WWOX: variants seen among roughly 807,000 people sequenced by gnomAD.
WWOX encodes the protein WW domain containing oxidoreductase.
WWOX carries 69 observed loss-of-function variants against 46.2 expected under a neutral mutation model. The ratio of observed to expected loss-of-function variants is 1.49; its 90% CI spans 1.23 to 1.82. WWOX has a LOEUF of 1.82. Ranked by LOEUF, WWOX falls within the 40% of genes most tolerant of loss-of-function variation. The pLI is 0.00. For synonymous variants in WWOX, 359 were observed against 202.6 expected (o/e 1.77, Z -6.56); for missense variants, 919 against 542.6 (o/e 1.69, Z -6.89).
At chr16:79,181,248 G>A (rs903348488) in intron 8 of WWOX, among the ~76,000 whole-genome samples, 2 of 152,080 alleles carry the variant, frequency 1.3e-5, no homozygotes, top group Admixed American at 6.5e-5. Flanking sequence ...CAAGACATAC[G>A]GAACACGTAT....
intron 8 of WWOX, among the ~76,000 whole-genome samples, chr16:79,173,138 CAT>C (rs1434698044): frequency 1.3e-5 from 2 of 152,224 alleles, no homozygotes; most frequent in African/African-American, 2.4e-5. Flanking sequence ...ATTTGACACA[CAT>C]GTGTGCCCAT....
intron 5 of WWOX, among the ~76,000 whole-genome samples, chr16:78,205,342 A>G (rs909221130): frequency 6.6e-6 from 1 of 152,192 alleles, no homozygotes; most frequent in Non-Finnish European, 1.5e-5. Flanking sequence ...CCACGTATCC[A>G]TATGTCAGTT....
intron 6 of WWOX, among the ~76,000 whole-genome samples, chr16:78,390,152 C>G (rs2082149081): frequency 6.6e-6 from 1 of 152,204 alleles, no homozygotes; most frequent in Admixed American, 6.5e-5. Context: ...CAGTCTGCCT[C>G]TTGTTCTTTT....
At chr16:78,892,677 T>C (rs559386894) in intron 8 of WWOX, among the ~76,000 whole-genome samples, 32 of 152,348 alleles carry the variant, frequency 2.1e-4, no homozygotes, top group African/African-American at 7.2e-4. Context: ...AGCATTGGGC[T>C]AGGTGAGGAT....
At chr16:78,846,050 T>A (rs955130598) in intron 8 of WWOX, among the ~76,000 whole-genome samples, 2 of 152,230 alleles carry the variant, frequency 1.3e-5, no homozygotes, top group African/African-American at 2.4e-5. Flanking sequence ...GCATGGAGTT[T>A]GGAATCTGGC....
chr16:78,164,116 G>T, intron 4 of WWOX, 67 bp from the exon 5 acceptor site: 1 of 1,420,214 alleles, frequency 7.0e-7, no homozygotes, highest in Non-Finnish European at 9.8e-7. Flanking sequence ...CTCCGGTAAA[G>T]GCCATTCAAC....
intron 5 of WWOX, among the ~76,000 whole-genome samples, chr16:78,169,874 C>G (rs2035098069): frequency 6.6e-6 from 1 of 152,140 alleles, no homozygotes; most frequent in Non-Finnish European, 1.5e-5. Flanking sequence ...CTCACTAGAT[C>G]TGTTTAACAG....
chr16:78,220,713 A>T (rs2036859468), intron 5 of WWOX, among the ~76,000 whole-genome samples: 1 of 152,220 alleles, frequency 6.6e-6, no homozygotes, highest in East Asian at 1.9e-4. Context: ...GCAGTTTACA[A>T]ATGCTGGTAT....
At chr16:78,752,642 A>G (rs983816710) in intron 8 of WWOX, among the ~76,000 whole-genome samples, 9 of 152,206 alleles carry the variant, frequency 5.9e-5, no homozygotes, top group African/African-American at 2.2e-4. Flanking sequence ...AAATCATGAT[A>G]AAATTCTTTA....
chr16:78,674,360 C>A (rs954442431), intron 8 of WWOX, among the ~76,000 whole-genome samples: 1 of 151,378 alleles, frequency 6.6e-6, no homozygotes, highest in Non-Finnish European at 1.5e-5. Context: ...TCTTGGCTCA[C>A]TGCAACCTCT....
At chr16:78,872,306 A>C (rs1044454578) in intron 8 of WWOX, among the ~76,000 whole-genome samples, 1 of 152,238 alleles carries the variant, frequency 6.6e-6, no homozygotes, top group Non-Finnish European at 1.5e-5. Context: ...AAAGATGGGC[A>C]TAAGGAAATA....
At chr16:78,740,218 C>T (rs1200071399) in intron 8 of WWOX, among the ~76,000 whole-genome samples, 1 of 152,184 alleles carries the variant, frequency 6.6e-6, no homozygotes, top group Non-Finnish European at 1.5e-5. Flanking sequence ...AGAAATGGGA[C>T]TCAGGAAGGC....
At chr16:78,437,787 C>A (rs1281370416) in intron 8 of WWOX, among the ~76,000 whole-genome samples, 1 of 152,178 alleles carries the variant, frequency 6.6e-6, no homozygotes. Flanking sequence ...TTGCTGAGTA[C>A]TTTCTAATAA....
intron 6 of WWOX, among the ~76,000 whole-genome samples, chr16:78,390,362 T>C (rs893784346): frequency 1.3e-5 from 2 of 152,216 alleles, no homozygotes; most frequent in Admixed American, 6.5e-5. Context: ...GTGCCTTTTG[T>C]AATCACCAAG....
At chr16:78,377,008 C>T (rs201660866) in intron 5 of WWOX, among the ~76,000 whole-genome samples, 39 of 152,352 alleles carry the variant, frequency 2.6e-4, no homozygotes, top group African/African-American at 9.4e-4. Context: ...GATCCCAGAT[C>T]TCTGTGTTTG....
At chr16:79,043,058 C>G (rs1392034632) in intron 8 of WWOX, among the ~76,000 whole-genome samples, 1 of 152,068 alleles carries the variant, frequency 6.6e-6, no homozygotes, top group Admixed American at 6.6e-5. Context: ...ATCAAGAGTT[C>G]CCATCATACC....
At chr16:78,865,144 A>G (rs186302892) in intron 8 of WWOX, among the ~76,000 whole-genome samples, 1 of 152,168 alleles carries the variant, frequency 6.6e-6, no homozygotes, top group Non-Finnish European at 1.5e-5. Context: ...TATGTAAAAT[A>G]AATTCCGTAC....
intron 8 of WWOX, among the ~76,000 whole-genome samples, chr16:78,590,631 A>G (rs2045329682): frequency 6.6e-6 from 1 of 150,870 alleles, no homozygotes; most frequent in Admixed American, 6.7e-5. Context: ...GGCAGATGGA[A>G]ATGTCTTGTA....
At chr16:78,859,644 T>G (rs1015355345) in intron 8 of WWOX, among the ~76,000 whole-genome samples, 2 of 152,192 alleles carry the variant, frequency 1.3e-5, no homozygotes, top group African/African-American at 4.8e-5. Context: ...CTCATGATCT[T>G]CTGTGATTCT....
Sources: allele counts gnomAD v4.1 joint callset (sites outside exome capture counted in the v4.1 genomes callset), GRCh38; gene constraint gnomAD v4.1.1; transcripts MANE v1.5; gene names NCBI Gene and HGNC (gene_info 2026-07-23, HGNC 2026-07-21).